AKAP13: variants seen among roughly 807,000 people sequenced by gnomAD.
AKAP13 encodes the protein A-kinase anchor protein 13.
AKAP13 carries 80 observed loss-of-function variants against 264.5 expected under a neutral mutation model. The ratio of observed to expected loss-of-function variants is 0.30; its 90% CI spans 0.25 to 0.36. The LOEUF is 0.36. AKAP13 is among the 10% of genes least tolerant of loss of function. The pLI is 1.00. For missense variants in AKAP13, 3,712 were observed against 3,435.2 expected, an observed-to-expected ratio of 1.08 and a Z score of -2.01; for synonymous variants, 1,380 against 1,250.2, an observed-to-expected ratio of 1.10 and a Z score of -2.19.
At position 85,722,269 on chromosome 15, in the gene AKAP13, C is replaced by A; in HGVS notation, c.6418C>A (p.Pro2140Thr). The A allele has an allele frequency of 1.9e-6, 3 of 1,613,854 alleles. No homozygotes were observed. The highest frequency in any genetic ancestry group is 2.5e-6 in the Non-Finnish European group (3 of 1,179,878). ...TTCAGTTGTTAGAAGGCTTGGAATT[C>A]CAGAGTGCATATTGCTTGTAACTCA... ...SSSVVRRLGI[P>T]ECILLVTQRI... is the part of the protein sequence containing the mutation. The change falls in exon 25 of 37, where the codon CCA (proline) becomes ACA (threonine). Residue 2140 changes from proline to threonine, a missense_variant. This residue lies in a region of AKAP13 where 342 missense variants were observed against 484.3 expected (regional missense o/e 0.71). Transcript: ENST00000394518.
intron 35 of AKAP13, among the ~76,000 whole-genome samples, chr15:85,742,066 C>A (rs970659407): frequency 1.3e-5 from 2 of 152,138 alleles, no homozygotes; most frequent in African/African-American, 4.8e-5. Context: ...CAAAAAGAAT[C>A]TTTGTTTTAC....
chr15:85,416,629 C>T (rs2072254544), intron 1 of AKAP13, among the ~76,000 whole-genome samples: 2 of 152,134 alleles, frequency 1.3e-5, no homozygotes, highest in Non-Finnish European at 2.9e-5. Flanking sequence ...GCATAATTTG[C>T]TTTAACTTGC....
At chr15:85,713,430 C>G (rs1428808887) in intron 19 of AKAP13, among the ~76,000 whole-genome samples, 3 of 152,142 alleles carry the variant, frequency 2.0e-5, no homozygotes, top group Non-Finnish European at 2.9e-5. Context: ...TGCAATTCTT[C>G]AAGAACTAGT....
chr15:85,620,586 T>C (rs2081139236), intron 8 of AKAP13, among the ~76,000 whole-genome samples: 2 of 152,140 alleles, frequency 1.3e-5, no homozygotes, highest in Non-Finnish European at 1.5e-5. Flanking sequence ...TTTAAGTATT[T>C]CTGTCTTTTG....
At chr15:85,588,254 G>C (rs1265319376) in intron 8 of AKAP13, among the ~76,000 whole-genome samples, 1 of 152,168 alleles carries the variant, frequency 6.6e-6, no homozygotes, top group Non-Finnish European at 1.5e-5. Flanking sequence ...GTGGTATGAA[G>C]GTGCTGACTG....
intron 30 of AKAP13, among the ~76,000 whole-genome samples, chr15:85,733,313 T>C (rs2088188604): frequency 6.6e-6 from 1 of 152,196 alleles, no homozygotes; most frequent in Non-Finnish European, 1.5e-5. Context: ...TTTTCTGGCA[T>C]AAAGTATTGC....
chr15:85,642,343 A>C (rs2082345868), intron 9 of AKAP13, among the ~76,000 whole-genome samples: 1 of 152,244 alleles, frequency 6.6e-6, no homozygotes. Flanking sequence ...TTAAGTAGTC[A>C]GACCTAGATT....
chr15:85,434,444 A>C (rs951581646), intron 1 of AKAP13, among the ~76,000 whole-genome samples: 1 of 152,208 alleles, frequency 6.6e-6, no homozygotes, highest in Non-Finnish European at 1.5e-5. Flanking sequence ...AGCAGCCGGG[A>C]AGCTCGAACT....
chr15:85,700,459 A>G (rs1370995910), intron 17 of AKAP13, among the ~76,000 whole-genome samples: 1 of 152,156 alleles, frequency 6.6e-6, no homozygotes, highest in Non-Finnish European at 1.5e-5. Flanking sequence ...CCTCTTGGAG[A>G]CTTCCATTGC....
intron 8 of AKAP13, among the ~76,000 whole-genome samples, chr15:85,637,927 G>A (rs2082137887): frequency 7.0e-6 from 1 of 143,880 alleles, no homozygotes; most frequent in African/African-American, 2.6e-5. Context: ...CCAGGCTGGA[G>A]TGCAGTGGCG....
chr15:85,466,724 T>C (rs527851238), intron 1 of AKAP13, among the ~76,000 whole-genome samples: 124 of 152,340 alleles, frequency 8.1e-4, no homozygotes, highest in African/African-American at 2.9e-3. Flanking sequence ...GTACTTTTTA[T>C]TGGTGACAGT....
intron 1 of AKAP13, among the ~76,000 whole-genome samples, chr15:85,433,931 A>T (rs1281556658): frequency 7.2e-6 from 1 of 138,070 alleles, no homozygotes; most frequent in African/African-American, 2.8e-5. Flanking sequence ...ACAGAGCGAG[A>T]CTCTGTCTCA....
intron 1 of AKAP13, among the ~76,000 whole-genome samples, chr15:85,399,061 C>A (rs942518306): frequency 1.3e-5 from 2 of 152,184 alleles, no homozygotes; most frequent in South Asian, 2.1e-4. Context: ...ATTGTTAGGG[C>A]AAATGGTGTA....
In AKAP13 at chr15:85,727,401, G is replaced by A. The variant is rs750793859; in HGVS notation, c.7025G>A (p.Gly2342Glu). 5.0e-6 allele frequency: 8 copies of A among 1,614,054 alleles called. No individual in the cohort carries two copies. Among genetic ancestry groups the A allele is most frequent in the East Asian group, 2.2e-5 (1 of 44,896 alleles). ...INTLNRDEDE[G>E]IPSENEEEKK... ...ATTAGGAACAGAGATGAAGATGAAG[G>A]AATTCCTAGTGAGAATGAGGAAGAA... The change falls in exon 29 of 37, where the codon GGA becomes GAA. Residue 2342 changes from glycine (G) to glutamate (E), a missense_variant. Transcript: ENST00000394518. The surrounding 1 kb of genome is among the most constrained non-coding windows in gnomAD (Gnocchi z 5.3).
chr15:85,598,471 C>T (rs56657677), intron 8 of AKAP13, among the ~76,000 whole-genome samples: 21,903 of 152,188 alleles, frequency 0.14, 2,160 homozygotes, highest in African/African-American at 0.26. Context: ...TGTCCATGCA[C>T]GAATCCCTTA....
chr15:85,459,242 G>A (rs1050371297), intron 1 of AKAP13, among the ~76,000 whole-genome samples: 3 of 152,088 alleles, frequency 2.0e-5, no homozygotes, highest in Non-Finnish European at 4.4e-5. Flanking sequence ...CTGGAGTGCA[G>A]TGGTGTGATC....
chr15:85,525,011 A>AGG (rs1383344123), intron 3 of AKAP13, among the ~76,000 whole-genome samples: 5 of 151,572 alleles, frequency 3.3e-5, no homozygotes, highest in Admixed American at 2.0e-4. Flanking sequence ...AACATCTTAG[A>AGG]GGGCAGGTAC....
rs546373777 is a variant in AKAP13, at chr15:85,747,870, C to G, written c.*3193C>G. The G allele has an allele frequency of 2.0e-5, 3 of 153,282 alleles. No individual in the cohort carries two copies. The South Asian group carries it at 6.2e-4, about 32-fold the overall frequency. 9.5% of individuals were successfully genotyped at this position (153,282 alleles called of 1,614,324 possible). A position where few individuals can be genotyped will look rare whatever the true frequency, so the allele number is the denominator to read the frequency against. ...AGGGTAATACTATTCAGAGTCGCCC[C>G]TTTGCTCATTTTCTCCCGTATTTGT... On this transcript the variant is annotated 3_prime_UTR_variant, in exon 37 of 37. Transcript: ENST00000394518.
At position 85,580,139 on chromosome 15, in the gene AKAP13, G is replaced by A. The variant is rs774873759; in HGVS notation, c.2071G>A (p.Glu691Lys). 1.4e-5 allele frequency: 23 copies of A among 1,614,046 alleles called. No individual in the cohort carries two copies. The highest frequency in any genetic ancestry group is 4.5e-5 in the East Asian group (2 of 44,892). Residue 691 changes from glutamate to lysine, a missense_variant, in exon 7 of 37, where the codon GAA (glutamate) becomes AAA (lysine). Glu to Lys is a moderately conservative substitution (Grantham distance 56). Around this residue, in one of 3 missense-constraint regions of AKAP13, gnomAD observed 2,759 missense variants for 2,411.7 expected, o/e 1.14. Coordinates refer to ENST00000394518, the MANE Select transcript of AKAP13 (RefSeq NM_007200.5). The part of the protein sequence containing the change: ...KLCDNIVSES[E>K]STTARQPSSQ... The stretch of plus-strand genomic sequence containing the variant: ...GTGTGATAACATAGTTAGCGAGTCC[G>A]AAAGCACCACAGCAAGGCAACCCAG...
Sources: gnomAD v4.1 joint callset for allele counts (sites outside exome capture counted in the v4.1 genomes callset) on GRCh38, gnomAD v4.1.1 for gene constraint, gnomAD v4.1.1 regional missense constraint, Gnocchi (gnomAD v3.1) non-coding constraint, MANE v1.5 for transcripts, NCBI Gene and HGNC (gene_info 2026-07-23, HGNC 2026-07-21) for gene names.